NAV2: variants seen among roughly 807,000 people sequenced by gnomAD.
The protein encoded by NAV2 is neuron navigator 2, also known as helicase, APC down-regulated 1.
NAV2 carries 54 observed loss-of-function variants against 223.2 expected under a neutral mutation model. That is an observed-to-expected ratio of 0.24 (90% confidence interval 0.19 to 0.30). NAV2 has a LOEUF of 0.30. NAV2 is among the 10% of genes least tolerant of loss of function. The probability of loss-of-function intolerance (pLI) is 1.00; values close to 1 mark genes in which losing one functional copy is unlikely to be tolerated. For missense variants in NAV2, 2,806 were observed against 3,147.5 expected, an observed-to-expected ratio of 0.89 and a Z score of 2.60; for synonymous variants, 1,279 against 1,239.3, an observed-to-expected ratio of 1.03 and a Z score of -0.67.
intron 1 of NAV2, among the ~76,000 whole-genome samples, chr11:19,417,623 C>G (rs931550865): frequency 4.6e-5 from 7 of 152,202 alleles, no homozygotes; most frequent in African/African-American, 1.7e-4. Flanking sequence ...GTAAATCATT[C>G]TACTATAAAG....
At chr11:19,835,619 A>G (rs1330391372) in intron 2 of NAV2, among the ~76,000 whole-genome samples, 1 of 152,280 alleles carries the variant, frequency 6.6e-6, no homozygotes, top group South Asian at 2.1e-4. Context: ...TTTCCGCCAT[A>G]CATGCCCATT....
rs66625282 is a variant in NAV2, at chr11:19,555,012, C to CAAAAAAAAAAAA, written c.75+203990_75+204001dup. ...TCTATCTCATACATACCATGTTTTGCAAAAAAAAAAAAAAAATCTTATCTA... is the reference window on the plus strand; with the variant it reads ...TCTATCTCATACATACCATGTTTTGCAAAAAAAAAAAAAAAAAAAAAAAAAAAATCTTATCTA... On this transcript the variant is annotated intron_variant, in intron 1 of 37. Coordinates refer to the NAV2 transcript ENST00000360655. 2.0e-3 allele frequency among the ~76,000 whole-genome samples: 281 copies of CAAAAAAAAAAAA among 141,528 alleles called. 5 individuals carry two copies. Among genetic ancestry groups the CAAAAAAAAAAAA allele is most frequent in the African/African-American group, 7.2e-3 (268 of 36,990 alleles). The allele number at this position is 141,528 out of a possible 152,430, so 92.8% of individuals were successfully genotyped here.
chr11:19,566,646 A>G (rs888398083), intron 1 of NAV2, among the ~76,000 whole-genome samples: 24 of 152,302 alleles, frequency 1.6e-4, no homozygotes, highest in Admixed American at 1.5e-3. Flanking sequence ...ACTGCCGGTT[A>G]TGTAGGAAGT....
chr11:20,037,716 C>A (rs1175936890), intron 12 of NAV2, among the ~76,000 whole-genome samples: 1 of 152,198 alleles, frequency 6.6e-6, no homozygotes, highest in Non-Finnish European at 1.5e-5. Flanking sequence ...TGTACAAAAA[C>A]CAAACAAACA....
At chr11:19,577,059 A>G (rs1435243883) in intron 1 of NAV2, among the ~76,000 whole-genome samples, 1 of 152,258 alleles carries the variant, frequency 6.6e-6, no homozygotes, top group Non-Finnish European at 1.5e-5. Context: ...TTGCACAATG[A>G]AAGCCCTCAA....
chr11:19,884,411 T>C (rs1468599363), intron 5 of NAV2: 2 of 1,473,048 alleles, frequency 1.4e-6, no homozygotes, highest in South Asian at 1.1e-5. Flanking sequence ...CCCAACCCAC[T>C]GTTCCATTGT....
chr11:19,989,847 A>AC (rs1437724359), intron 11 of NAV2, among the ~76,000 whole-genome samples: 3 of 151,734 alleles, frequency 2.0e-5, no homozygotes, highest in Non-Finnish European at 4.4e-5. Flanking sequence ...CTGTCTGATC[A>AC]CCCCCCAAAT....
chr11:20,079,968 C>A, intron 24 of NAV2, 96 bp from the exon 25 acceptor site: 1 of 1,408,024 alleles, frequency 7.1e-7, no homozygotes. Flanking sequence ...ACCCAGTAGT[C>A]CTCAGGTGGG....
At chr11:19,427,302 G>A (rs556032010) in intron 1 of NAV2, among the ~76,000 whole-genome samples, 1 of 152,328 alleles carries the variant, frequency 6.6e-6, no homozygotes, top group South Asian at 2.1e-4. Flanking sequence ...GCTCTATGCA[G>A]CTCCTGGCGC....
intron 2 of NAV2, among the ~76,000 whole-genome samples, chr11:19,835,163 A>T (rs564214874): frequency 6.6e-6 from 1 of 152,314 alleles, no homozygotes; most frequent in East Asian, 1.9e-4. Context: ...TTCAGATGAG[A>T]TGAACTTCCC....
In NAV2 at chr11:20,103,244, G is replaced by C; in HGVS notation, c.6418-11G>C. ...CCACTTGTTCTCCTTCGGCCTTCCT[G>C]GCCACCATAGGAATTGCGCCAGTAC... is the stretch of plus-strand genomic sequence containing the variant. On this transcript the variant is annotated splice_polypyrimidine_tract_variant and intron_variant, in intron 32 of 37. Transcript: ENST00000349880. 6.2e-7 allele frequency: 1 copy of C among 1,607,412 alleles called. No individual in the cohort carries two copies. Among genetic ancestry groups the C allele is most frequent in the African/African-American group, 1.3e-5 (1 of 74,930 alleles).
At chr11:20,103,142 A>G in intron 32 of NAV2, 113 bp from the exon 33 acceptor site, 2 of 1,019,386 alleles carry the variant, frequency 2.0e-6, no homozygotes, top group South Asian at 1.6e-5. Context: ...GCGCAGAATC[A>G]TGAAGGGCCT....
At chr11:19,458,595 T>C (rs1228522655) in intron 1 of NAV2, among the ~76,000 whole-genome samples, 2 of 152,332 alleles carry the variant, frequency 1.3e-5, no homozygotes, top group Non-Finnish European at 2.9e-5. Context: ...TTAGTCCTCA[T>C]GATGACCACC....
At position 19,470,763 on chromosome 11, in the gene NAV2, C is replaced by T. The variant is rs138104827; in HGVS notation, c.75+119736C>T. 9.2e-3 allele frequency among the ~76,000 whole-genome samples: 1,407 copies of T among 152,250 alleles called. 21 individuals are homozygous for T. Among genetic ancestry groups the T allele is most frequent in the African/African-American group, 0.032 (1,310 of 41,538 alleles). On this transcript the variant is annotated intron_variant, in intron 1 of 37. Transcript: ENST00000360655. ...AAAAGCAATAATTGTTTCAATTCTTCGATCCAAAGATCAAAGTGGAAGAAC... is the reference window on the plus strand; with the variant it reads ...AAAAGCAATAATTGTTTCAATTCTTTGATCCAAAGATCAAAGTGGAAGAAC...
intron 1 of NAV2, among the ~76,000 whole-genome samples, chr11:19,733,912 G>T (rs1008810443): frequency 6.6e-6 from 1 of 152,104 alleles, no homozygotes; most frequent in African/African-American, 2.4e-5. Context: ...CTTAATATTT[G>T]CCAGATACTA....
chr11:20,089,810 T>G (rs532006185), intron 26 of NAV2, among the ~76,000 whole-genome samples: 1 of 152,314 alleles, frequency 6.6e-6, no homozygotes, highest in East Asian at 1.9e-4. Context: ...GCCAGGTGTT[T>G]GAAGAGCAAA....
intron 11 of NAV2, among the ~76,000 whole-genome samples, chr11:20,028,643 T>A (rs1015888299): frequency 6.6e-6 from 1 of 152,230 alleles, no homozygotes; most frequent in African/African-American, 2.4e-5. Context: ...CTTGCAGTCA[T>A]TCTGCCGTGG....
At chr11:19,578,461 C>G (rs2045628637) in intron 1 of NAV2, among the ~76,000 whole-genome samples, 1 of 152,214 alleles carries the variant, frequency 6.6e-6, no homozygotes, top group Admixed American at 6.5e-5. Flanking sequence ...GGGAGATTCA[C>G]TGGTGACCAA....
chr11:20,098,160 T>C (rs569990049), intron 31 of NAV2, among the ~76,000 whole-genome samples: 1 of 152,312 alleles, frequency 6.6e-6, no homozygotes, highest in African/African-American at 2.4e-5. Flanking sequence ...TGCTGAAGCT[T>C]GTGCCCACGC....
Sources: allele counts gnomAD v4.1 joint callset (sites outside exome capture counted in the v4.1 genomes callset), GRCh38; gene constraint gnomAD v4.1.1; transcripts MANE v1.5; gene names NCBI Gene and HGNC (gene_info 2026-07-23, HGNC 2026-07-21).